Variants in IL20RB observed in about 807,000 individuals in gnomAD.
IL20RB encodes interleukin-20 receptor subunit beta.
A neutral mutation model predicts 33.3 loss-of-function variants in IL20RB; 21 were observed. That is an observed-to-expected ratio of 0.63 (90% CI 0.45 to 0.91). IL20RB has a LOEUF of 0.91. Ranked by LOEUF, IL20RB falls within the 40% of genes least tolerant of loss-of-function variation. The probability of loss-of-function intolerance (pLI) is 0.00; values close to 1 mark genes in which losing one functional copy is unlikely to be tolerated. For synonymous variants in IL20RB, 147 were observed against 146.8 expected (o/e 1.00, Z -0.01); for missense variants, 345 against 384.8 (o/e 0.90, Z 0.86).
intron 1 of IL20RB, among the ~76,000 whole-genome samples, chr3:136,962,141 T>C (rs1941237766): frequency 6.6e-6 from 1 of 152,124 alleles, no homozygotes. Flanking sequence ...GCAATAATTA[T>C]TACAAGAAAT....
chr3:136,972,742 ATTT>A (rs879730915), intron 1 of IL20RB, among the ~76,000 whole-genome samples: 7 of 146,990 alleles, frequency 4.8e-5, no homozygotes, highest in South Asian at 2.2e-4. Context: ...TTGAAGAAAA[ATTT>A]TTTTTTTTCA....
intron 5 of IL20RB, among the ~76,000 whole-genome samples, chr3:136,994,053 G>A (rs1942082152): frequency 6.6e-6 from 1 of 151,928 alleles, no homozygotes; most frequent in South Asian, 2.1e-4. Context: ...TAAATGAAAG[G>A]CTGTTGCTCT....
chr3:137,009,116 C>T (rs1394680039), intron 6 of IL20RB, among the ~76,000 whole-genome samples: 1 of 152,194 alleles, frequency 6.6e-6, no homozygotes, highest in Non-Finnish European at 1.5e-5. Flanking sequence ...GCCTCTGTGG[C>T]TGCCTCTTTG....
intron 6 of IL20RB, among the ~76,000 whole-genome samples, chr3:136,996,762 G>A (rs1577030095): frequency 6.6e-6 from 1 of 152,134 alleles, no homozygotes; most frequent in East Asian, 1.9e-4. Flanking sequence ...ATAAAGCTTG[G>A]CAGTGTCCTT....
At chr3:136,995,387 A>G (rs756437430) in intron 5 of IL20RB, 27 bp from the exon 6 acceptor site, 9 of 1,612,222 alleles carry the variant, frequency 5.6e-6, no homozygotes, top group Middle Eastern at 3.4e-4. Context: ...GCTGTTTTCT[A>G]AGCCTGTTTT....
intron 3 of IL20RB, 152 bp from the exon 4 acceptor site, chr3:136,989,289 G>A (rs1941977336): frequency 2.6e-6 from 2 of 782,138 alleles, no homozygotes; most frequent in Non-Finnish European, 4.2e-6. Flanking sequence ...GAGAGTATTT[G>A]TGTACATGTT....
intron 6 of IL20RB, among the ~76,000 whole-genome samples, chr3:137,007,328 C>T (rs1942369168): frequency 1.3e-5 from 2 of 152,106 alleles, no homozygotes; most frequent in Non-Finnish European, 2.9e-5. Flanking sequence ...TCAGAGCTGT[C>T]AGACAGGGAC....
At chr3:136,980,691 G>A in intron 2 of IL20RB, 99 bp downstream of exon 2, 1 of 1,234,218 alleles carries the variant, frequency 8.1e-7, no homozygotes, top group Admixed American at 1.8e-5. Flanking sequence ...TTTGAGTCCA[G>A]GGATAGATTA....
In IL20RB at chr3:137,010,578, G is replaced by A. The variant is rs749823911; in HGVS notation, c.*355G>A. 6.6e-5 allele frequency: 12 copies of A among 181,736 alleles called. No homozygotes were observed. Among genetic ancestry groups the A allele is most frequent in the South Asian group, 5.9e-4 (4 of 6,786 alleles). The allele number at this position is 181,736 out of a possible 1,614,324, so 11.3% of individuals were successfully genotyped here. Reference sequence around the variant, plus strand: ...AGAGTCTCTCTCTATATATACACACGTACACATAAATACACCCAGCACTTG... The same window carrying A: ...AGAGTCTCTCTCTATATATACACACATACACATAAATACACCCAGCACTTG... On this transcript the variant is annotated 3_prime_UTR_variant, in exon 7 of 7. Transcript: ENST00000329582.
chr3:137,007,499 A>G (rs1411236835), intron 6 of IL20RB, among the ~76,000 whole-genome samples: 1 of 152,176 alleles, frequency 6.6e-6, no homozygotes, highest in Non-Finnish European at 1.5e-5. Flanking sequence ...GCAATGGCAG[A>G]TGCCCCTCCC....
In IL20RB at chr3:136,995,978, G is replaced by A. The variant is rs115636022; in HGVS notation, c.825+422G>A. On this transcript the variant is annotated intron_variant, in intron 6 of 6. Transcript: ENST00000329582. Reference sequence around the variant, plus strand: ...AACTTATTCAATTCACATGCCAAAAGCCTCATTGTTCTCAGAGTGAAGAAG... The same window carrying A: ...AACTTATTCAATTCACATGCCAAAAACCTCATTGTTCTCAGAGTGAAGAAG... 2.0e-3 allele frequency among the ~76,000 whole-genome samples: 300 copies of A among 152,276 alleles called. 1 individual carries two copies. The highest frequency in any genetic ancestry group is 3.5e-3 in the Non-Finnish European group (237 of 68,024).
At chr3:136,993,499 GC>G (rs1244780376) in intron 5 of IL20RB, among the ~76,000 whole-genome samples, 4 of 152,108 alleles carry the variant, frequency 2.6e-5, no homozygotes, top group Non-Finnish European at 5.9e-5. Flanking sequence ...GTATACATGT[GC>G]CATGTTGGTT....
rs555742229 is a variant in IL20RB, at chr3:137,005,617, T to C, written c.826-4496T>C. 2.2e-4 allele frequency among the ~76,000 whole-genome samples: 34 copies of C among 152,322 alleles called. No individual in the cohort carries two copies. In the South Asian group the frequency reaches 7.0e-3, roughly 32 times the overall value. On this transcript the variant is annotated intron_variant, in intron 6 of 6. Transcript: ENST00000329582. ...GCTTTTTTTTCGCTTTCCATTTGCTTGGTAGATCTTCCTCCATCCCTTTAT... is the reference window on the plus strand; with the variant it reads ...GCTTTTTTTTCGCTTTCCATTTGCTCGGTAGATCTTCCTCCATCCCTTTAT...
intron 5 of IL20RB, among the ~76,000 whole-genome samples, chr3:136,992,969 A>G (rs1000207122): frequency 6.6e-6 from 1 of 152,230 alleles, no homozygotes; most frequent in African/African-American, 2.4e-5. Flanking sequence ...TCATATCCAT[A>G]ACATTTTTCA....
At chr3:137,001,246 CT>C (rs890850784) in intron 6 of IL20RB, among the ~76,000 whole-genome samples, 1 of 152,240 alleles carries the variant, frequency 6.6e-6, no homozygotes, top group Non-Finnish European at 1.5e-5. Context: ...TGTTACCATT[CT>C]TCCTACATCA....
chr3:136,973,673 A>T (rs1654924), intron 1 of IL20RB, among the ~76,000 whole-genome samples: 2 of 151,940 alleles, frequency 1.3e-5, no homozygotes, highest in East Asian at 3.9e-4. Flanking sequence ...AAAGTCCCCC[A>T]TCCCCAGTCA....
At chr3:137,001,947 C>G (rs887130066) in intron 6 of IL20RB, among the ~76,000 whole-genome samples, 13 of 152,046 alleles carry the variant, frequency 8.6e-5, no homozygotes, top group African/African-American at 2.7e-4. Context: ...CTGACAGGCC[C>G]CGGTGTGTGA....
chr3:136,991,792 G>C (rs1942036945), intron 4 of IL20RB, 146 bp from the exon 5 acceptor site: 1 of 632,376 alleles, frequency 1.6e-6, no homozygotes, highest in Non-Finnish European at 2.6e-6. Context: ...ATTTGTAGTA[G>C]AGATGGGGTG....
intron 6 of IL20RB, among the ~76,000 whole-genome samples, chr3:137,001,398 G>A (rs1250721635): frequency 1.3e-5 from 2 of 152,210 alleles, no homozygotes; most frequent in African/African-American, 4.8e-5. Flanking sequence ...CAGATCACTA[G>A]CGTCCATTGA....
Sources: gnomAD v4.1 joint callset for allele counts (sites outside exome capture counted in the v4.1 genomes callset) on GRCh38, gnomAD v4.1.1 for gene constraint, MANE v1.5 for transcripts, NCBI Gene and HGNC (gene_info 2026-07-23, HGNC 2026-07-21) for gene names.